ALX1: variants seen among roughly 807,000 people sequenced by gnomAD.
ALX1 encodes the protein ALX homeobox protein 1.
ALX1 carries 19 observed loss-of-function variants against 31.7 expected under a neutral mutation model. That is an observed-to-expected ratio of 0.60 (90% confidence interval 0.42 to 0.88). ALX1 has a LOEUF of 0.88. Ranked by LOEUF, ALX1 falls within the 40% of genes least tolerant of loss-of-function variation. ALX1 has a pLI of 0.00. For missense variants in ALX1, 415 were observed against 407.8 expected, an observed-to-expected ratio of 1.02 and a Z score of -0.15; for synonymous variants, 153 against 148.8, an observed-to-expected ratio of 1.03 and a Z score of -0.20.
chr12:85,293,226 TTAAA>T lies in ALX1; in HGVS notation c.660+6252_660+6255del, dbSNP rs200051586. 9.9e-3 allele frequency among the ~76,000 whole-genome samples: 1,383 copies of T among 139,686 alleles called. 12 individuals carry two copies. Among genetic ancestry groups the T allele is most frequent in the Middle Eastern group, 0.014 (4 of 282 alleles). 91.6% of individuals were successfully genotyped at this position (139,686 alleles called of 152,430 possible). A position where few individuals can be genotyped will look rare whatever the true frequency, so the allele number is the denominator to read the frequency against. ...ACTGATTTAATTAAATTTATATAGT[TTAAA>T]TAAATATGAATAAAATATTTATATA... On this transcript the variant is annotated intron_variant, in intron 3 of 3. Coordinates refer to ENST00000316824, the MANE Select transcript of ALX1 (RefSeq NM_006982.3).
chr12:85,296,578 C>T (rs1896890412), intron 3 of ALX1, among the ~76,000 whole-genome samples: 1 of 151,416 alleles, frequency 6.6e-6, no homozygotes, highest in Non-Finnish European at 1.5e-5. Flanking sequence ...TGGCTAAGTT[C>T]CCTGGACAGA....
chr12:85,286,948 A>C lies in ALX1; in HGVS notation c.627A>C (p.Ile209=), dbSNP rs577761512. ...AKSHFAATYD[I]SVLPRTDSYP... is the part of the protein sequence containing the mutation. Reference sequence around the variant, plus strand: ...GCCATTTTGCTGCCACCTATGATATATCAGTTTTGCCAAGGACTGACAGCT... The same window carrying C: ...GCCATTTTGCTGCCACCTATGATATCTCAGTTTTGCCAAGGACTGACAGCT... The change falls in exon 3 of 4, where the codon ATA becomes ATC. Residue 209 remains isoleucine, a synonymous_variant. Transcript: ENST00000316824. 2 of 1,612,276 alleles carry C rather than the reference A, an allele frequency of 1.2e-6. No individual in the cohort carries two copies. Among genetic ancestry groups the C allele is most frequent in the East Asian group, 4.5e-5 (2 of 44,780 alleles).
intron 1 of ALX1, among the ~76,000 whole-genome samples, chr12:85,282,013 A>C (rs899725577): frequency 6.6e-6 from 1 of 152,208 alleles, no homozygotes; most frequent in African/African-American, 2.4e-5. Flanking sequence ...AGAAGTGTTA[A>C]GGAAGATGAA....
At chr12:85,300,150 T>G (rs1244892935) in intron 3 of ALX1, among the ~76,000 whole-genome samples, 2 of 152,004 alleles carry the variant, frequency 1.3e-5, no homozygotes, top group Non-Finnish European at 2.9e-5. Flanking sequence ...TGCTTTTGTT[T>G]GTTTAAATAG....
intron 1 of ALX1, among the ~76,000 whole-genome samples, chr12:85,282,097 TC>T (rs1896681858): frequency 6.6e-6 from 1 of 152,062 alleles, no homozygotes; most frequent in Non-Finnish European, 1.5e-5. Flanking sequence ...CTCTGATGCT[TC>T]CCCTCCCCCA....
intron 3 of ALX1, among the ~76,000 whole-genome samples, chr12:85,287,799 G>C (rs544809717): frequency 1.2e-4 from 18 of 151,046 alleles, no homozygotes; most frequent in African/African-American, 4.4e-4. Flanking sequence ...AAAAACCTAC[G>C]TTATAAGCAA....
chr12:85,286,857 G>C lies in ALX1; in HGVS notation c.536G>C (p.Trp179Ser), dbSNP rs1329804216. 1 of 1,602,768 alleles carries C rather than the reference G, an allele frequency of 6.2e-7. No homozygotes were observed. Among genetic ancestry groups the C allele is most frequent in the African/African-American group, 1.3e-5 (1 of 74,212 alleles). Residue 179 changes from tryptophan (W) to serine (S), a missense_variant, in exon 3 of 4, where the codon TGG becomes TCG. Physicochemically the swap from Trp to Ser is radical, Grantham distance 177. Transcript: ENST00000316824. The stretch of plus-strand genomic sequence containing the variant: ...TAATTTTTATTAAATAATTAGGTTT[G>C]GTTTCAAAATCGAAGGGCCAAATGG... ...TELTEARVQV[W>S]FQNRRAKWRK...
At chr12:85,288,940 C>A (rs932398969) in intron 3 of ALX1, among the ~76,000 whole-genome samples, 26 of 151,388 alleles carry the variant, frequency 1.7e-4, no homozygotes, top group African/African-American at 5.8e-4. Context: ...TGGTTTATAT[C>A]ATTTTGAACT....
intron 1 of ALX1, among the ~76,000 whole-genome samples, chr12:85,282,164 TTAATCAGTCATGGCTC>T (rs1896682934): frequency 6.6e-6 from 1 of 152,120 alleles, no homozygotes; most frequent in Non-Finnish European, 1.5e-5. Context: ...GAACCGTTTG[TTAATCAGTCATGGCTC>T]TTCTTTATAT....
intron 2 of ALX1, among the ~76,000 whole-genome samples, chr12:85,284,094 TAC>T (rs900380837): frequency 6.6e-6 from 1 of 152,068 alleles, no homozygotes; most frequent in Non-Finnish European, 1.5e-5. Context: ...CACAAGTTAT[TAC>T]AGAGACATAA....
intron 3 of ALX1, among the ~76,000 whole-genome samples, chr12:85,290,221 A>G (rs1896800451): frequency 6.6e-6 from 1 of 151,192 alleles, no homozygotes; most frequent in African/African-American, 2.4e-5. Flanking sequence ...CCGTCTTTTT[A>G]CTATAGTAGC....
intron 3 of ALX1, among the ~76,000 whole-genome samples, chr12:85,288,600 AG>A (rs1395603285): frequency 6.6e-6 from 1 of 151,540 alleles, no homozygotes; most frequent in Non-Finnish European, 1.5e-5. Context: ...TTAACACTAC[AG>A]TAGCCCTCAC....
rs755067078 is a variant in ALX1, at chr12:85,299,064, CTG to C, written c.661-2089_661-2088del. Among the ~76,000 whole-genome samples the C allele has an allele frequency of 5.3e-5, 8 of 150,868 alleles. No homozygotes were observed. The East Asian group carries it at 5.8e-4, about 11-fold the overall frequency. On this transcript the variant is annotated intron_variant, in intron 3 of 3. Coordinates refer to ENST00000316824, the MANE Select transcript of ALX1 (RefSeq NM_006982.3). The stretch of plus-strand genomic sequence containing the variant: ...TGATTTTAATAAAAAATTCAAGAAA[CTG>C]TATAAATCAAGCAATTCTTTAACAA...
Position 85,301,472 on chromosome 12 carries a change from G to A in ALX1, c.978G>A (p.Met326Ile), listed in dbSNP as rs373533707. ...KEHTANISWA[M>I] ...ACACCGCCAATATTTCATGGGCCAT[G>A]TAACATACAGTACTCTTTTATTTTT... The change falls in exon 4 of 4, where the codon ATG (methionine) becomes ATA (isoleucine). Residue 326 changes from methionine (M) to isoleucine (I), a missense_variant. By Grantham distance (10) the Met-to-Ile change is conservative. Transcript: ENST00000316824. The A allele has an allele frequency of 1.2e-6, 2 of 1,613,368 alleles. No individual in the cohort carries two copies. Among genetic ancestry groups the A allele is most frequent in the African/African-American group, 2.7e-5 (2 of 74,906 alleles).
rs761480438 is a variant in ALX1, at chr12:85,286,938, C to T, written c.617C>T (p.Thr206Ile). The stretch of plus-strand genomic sequence containing the variant: ...CAAGCGAAAAGCCATTTTGCTGCCA[C>T]CTATGATATATCAGTTTTGCCAAGG... Reference protein sequence around the residue: ...IQQAKSHFAATYDISVLPRTD... With the variant: ...IQQAKSHFAAIYDISVLPRTD... Residue 206 changes from threonine (T) to isoleucine (I), a missense_variant, in exon 3 of 4, where the codon ACC becomes ATC. Physicochemically the swap from Thr to Ile is moderately conservative, Grantham distance 89. Around this residue, in one of 3 missense-constraint regions of ALX1, gnomAD observed 174 missense variants for 177.5 expected, o/e 0.98. Transcript: ENST00000316824. 2 of 1,612,262 alleles carry T rather than the reference C, an allele frequency of 1.2e-6. No homozygotes were observed. Among genetic ancestry groups the T allele is most frequent in the Admixed American group, 3.3e-5 (2 of 59,946 alleles).
chr12:85,285,361 G>GA (rs62678562), intron 2 of ALX1, among the ~76,000 whole-genome samples: 20 of 149,448 alleles, frequency 1.3e-4, no homozygotes, highest in Admixed American at 1.0e-3. Context: ...TTTGTCAATG[G>GA]AAAAAAAAAT....
intron 3 of ALX1, among the ~76,000 whole-genome samples, chr12:85,293,974 G>A (rs766325259): frequency 4.0e-5 from 6 of 150,944 alleles, no homozygotes; most frequent in Non-Finnish European, 7.4e-5. Flanking sequence ...GTAAACTTCC[G>A]TACAAACTCA....
At position 85,301,267 on chromosome 12, in the gene ALX1, C is replaced by G. The variant is rs781359296; in HGVS notation, c.773C>G (p.Thr258Arg). Residue 258 changes from threonine to arginine, a missense_variant, in exon 4 of 4, where the codon ACA becomes AGA. Thr to Arg is a moderately conservative substitution (Grantham distance 71). Transcript: ENST00000316824. ...ACACCTTATTCTCACTCGCCTCGGA[C>G]AGATTCCAGTTACACGGGGTTTTCA... is the stretch of plus-strand genomic sequence containing the variant. Reference protein sequence around the residue: ...CMTPYSHSPRTDSSYTGFSNH... With the variant: ...CMTPYSHSPRRDSSYTGFSNH... 1 of 1,614,026 alleles carries G rather than the reference C, an allele frequency of 6.2e-7. No homozygotes were observed. The highest frequency in any genetic ancestry group is 1.1e-5 in the South Asian group (1 of 91,080).
intron 2 of ALX1, among the ~76,000 whole-genome samples, chr12:85,286,089 A>G (rs1362752923): frequency 6.6e-6 from 1 of 151,906 alleles, no homozygotes; most frequent in Non-Finnish European, 1.5e-5. Flanking sequence ...TATTATTTCC[A>G]TTACCTGTGC....
Sources: gnomAD v4.1 joint callset for allele counts (sites outside exome capture counted in the v4.1 genomes callset) on GRCh38, gnomAD v4.1.1 for gene constraint, gnomAD v4.1.1 regional missense constraint, MANE v1.5 for transcripts, NCBI Gene and HGNC (gene_info 2026-07-23, HGNC 2026-07-21) for gene names.